TARBP1: variants seen among roughly 807,000 people sequenced by gnomAD.
TARBP1 encodes the protein tRNA guanosine 2 -O-methyltransferase TARBP1.
Under a neutral mutation model 178.6 loss-of-function variants are expected in TARBP1, and 144 were observed. That is an observed-to-expected ratio of 0.81 (90% CI 0.70 to 0.93). TARBP1 has a LOEUF of 0.93. Ranked by LOEUF, TARBP1 falls within the 40% of genes least tolerant of loss-of-function variation. The pLI is 0.00. For missense variants in TARBP1, 2,067 were observed against 2,011.7 expected (o/e 1.03, Z -0.53); for synonymous variants, 787 against 781.0 (o/e 1.01, Z -0.13).
chr1:234,423,870 G>T (rs902962743), intron 20 of TARBP1, among the ~76,000 whole-genome samples: 1 of 151,456 alleles, frequency 6.6e-6, no homozygotes, highest in African/African-American at 2.4e-5. Flanking sequence ...GATTACAGGC[G>T]TGAGCCACCA....
chr1:234,399,343 A>G (rs1351498463), intron 25 of TARBP1, among the ~76,000 whole-genome samples: 3 of 152,242 alleles, frequency 2.0e-5, no homozygotes, highest in Non-Finnish European at 4.4e-5. Context: ...CACACTAGCT[A>G]TATCTGTGCA....
chr1:234,400,334 CAG>C (rs1174527406), intron 25 of TARBP1: 3 of 152,176 alleles, frequency 2.0e-5, no homozygotes, highest in Non-Finnish European at 4.4e-5. Context: ...CTAAAGAACA[CAG>C]AGCAGAGCAT....
intron 20 of TARBP1, among the ~76,000 whole-genome samples, chr1:234,424,248 G>T (rs1663451463): frequency 6.6e-6 from 1 of 152,172 alleles, no homozygotes; most frequent in Non-Finnish European, 1.5e-5. Flanking sequence ...TAAATGACAG[G>T]TAACTGTATC....
intron 6 of TARBP1, among the ~76,000 whole-genome samples, chr1:234,463,556 T>A (rs2103271801): frequency 6.6e-6 from 1 of 152,342 alleles, no homozygotes; most frequent in East Asian, 1.9e-4. Context: ...TTCTTGAAAC[T>A]GAATAGTAGA....
At chr1:234,404,039 TAA>T (rs1211469719) in intron 24 of TARBP1, among the ~76,000 whole-genome samples, 1 of 152,248 alleles carries the variant, frequency 6.6e-6, no homozygotes, top group African/African-American at 2.4e-5. Flanking sequence ...CTGAGATTTT[TAA>T]AGTTATTTTT....
At chr1:234,423,287 G>A (rs2103104874) in intron 20 of TARBP1, among the ~76,000 whole-genome samples, 1 of 152,282 alleles carries the variant, frequency 6.6e-6, no homozygotes, top group Middle Eastern at 3.4e-3. Flanking sequence ...CAACTGGCTA[G>A]TATTTTGCCT....
chr1:234,394,625 C>T (rs986274016), intron 26 of TARBP1, among the ~76,000 whole-genome samples: 10 of 152,232 alleles, frequency 6.6e-5, no homozygotes, highest in South Asian at 6.2e-4. Context: ...GGAAGGCTCG[C>T]GGGAAGGAAG....
chr1:234,455,160 C>A (rs986252360), intron 9 of TARBP1, among the ~76,000 whole-genome samples: 2 of 152,110 alleles, frequency 1.3e-5, no homozygotes, highest in Admixed American at 6.5e-5. Context: ...GGATTCCAGA[C>A]TTCTGGCCTC....
At chr1:234,460,079 A>C (rs922825814) in intron 7 of TARBP1, among the ~76,000 whole-genome samples, 182 bp downstream of exon 7, 6 of 152,226 alleles carry the variant, frequency 3.9e-5, no homozygotes, top group African/African-American at 1.4e-4. Flanking sequence ...AAACAAAATA[A>C]GTTCAACTAT....
At chr1:234,399,167 T>C (rs1660426135) in intron 25 of TARBP1, among the ~76,000 whole-genome samples, 1 of 152,222 alleles carries the variant, frequency 6.6e-6, no homozygotes, top group Non-Finnish European at 1.5e-5. Context: ...AATCCTCCTT[T>C]GCTTTTCTTA....
chr1:234,465,922 C>G (rs1668387773), intron 4 of TARBP1, among the ~76,000 whole-genome samples: 1 of 151,986 alleles, frequency 6.6e-6, no homozygotes, highest in Non-Finnish European at 1.5e-5. Flanking sequence ...ATTTTCCCAC[C>G]TGATTAAAAT....
intron 18 of TARBP1, 57 bp downstream of exon 18, chr1:234,427,519 T>A (rs771624172): frequency 2.7e-6 from 4 of 1,504,966 alleles, no homozygotes; most frequent in Non-Finnish European, 3.6e-6. Context: ...CATAATTCTA[T>A]ACCCAAGTAG....
At chr1:234,445,500 T>TAC (rs1236843600) in intron 12 of TARBP1, among the ~76,000 whole-genome samples, 1 of 152,196 alleles carries the variant, frequency 6.6e-6, no homozygotes, top group Non-Finnish European at 1.5e-5. Context: ...AGGTGAAGGA[T>TAC]ACGTCTATGG....
intron 4 of TARBP1, among the ~76,000 whole-genome samples, chr1:234,466,880 T>G (rs1045263465): frequency 1.3e-5 from 2 of 151,512 alleles, no homozygotes; most frequent in Non-Finnish European, 2.9e-5. Flanking sequence ...AAAACAGCTA[T>G]TGAAAGAAAA....
At chr1:234,445,690 G>A (rs80140243) in intron 12 of TARBP1, among the ~76,000 whole-genome samples, 3,587 of 152,180 alleles carry the variant, frequency 0.024, 58 homozygotes, top group South Asian at 0.063. Flanking sequence ...ATTCATGGAC[G>A]TAATAAAATT....
At chr1:234,417,618 A>G (rs1199419932) in intron 22 of TARBP1, among the ~76,000 whole-genome samples, 6 of 152,250 alleles carry the variant, frequency 3.9e-5, no homozygotes, top group Non-Finnish European at 7.3e-5. Context: ...GAAAAGTTGG[A>G]AAGCGATTAG....
intron 11 of TARBP1, among the ~76,000 whole-genome samples, chr1:234,447,382 A>C (rs915923503): frequency 6.7e-6 from 1 of 149,406 alleles, no homozygotes; most frequent in Non-Finnish European, 1.5e-5. Context: ...TTTATTAAAA[A>C]CTGTTAACCA....
At chr1:234,415,453 G>A (rs182730776) in intron 22 of TARBP1, among the ~76,000 whole-genome samples, 6 of 152,252 alleles carry the variant, frequency 3.9e-5, no homozygotes, top group Admixed American at 3.9e-4. Context: ...GGAGGAAAAG[G>A]GTGTAGTGGA....
Position 234,393,388 on chromosome 1 carries a change from C to T in TARBP1, c.4534G>A (p.Ala1512Thr). The T allele has an allele frequency of 1.3e-6, 2 of 1,598,750 alleles. No individual in the cohort carries two copies. The change falls in exon 28 of 30, where the codon GCA becomes ACA. Residue 1512 changes from alanine (A) to threonine (T), a missense_variant. Transcript: ENST00000040877. ...TCCACTAGAGGAAGCCACTGTTCTGCAGAGACACTGAGGTGCTGAAACTGT... is the reference window on the plus strand; with the variant it reads ...TCCACTAGAGGAAGCCACTGTTCTGTAGAGACACTGAGGTGCTGAAACTGT... ...DKQFQHLSVS[A>T]EQWLPLVEVK...
Sources: allele counts gnomAD v4.1 joint callset (sites outside exome capture counted in the v4.1 genomes callset), GRCh38; gene constraint gnomAD v4.1.1; transcripts MANE v1.5; gene names NCBI Gene and HGNC (gene_info 2026-07-23, HGNC 2026-07-21).